HS3ST3A1: variants seen among roughly 807,000 people sequenced by gnomAD.
HS3ST3A1 encodes the protein heparan sulfate-glucosamine 3-sulfotransferase 3A1.
HS3ST3A1 carries 19 observed loss-of-function variants against 25.7 expected under a neutral mutation model. That is an observed-to-expected ratio of 0.74 (90% CI 0.52 to 1.08). The LOEUF is 1.08. Among genes scored for constraint, HS3ST3A1 ranks in the 50% least tolerant of loss-of-function variants. The pLI, the probability that HS3ST3A1 is intolerant of heterozygous loss-of-function variation, is 0.00. For synonymous variants in HS3ST3A1, 226 were observed against 278.6 expected (o/e 0.81, Z 1.88); for missense variants, 459 against 594.3 (o/e 0.77, Z 2.37).
At chr17:13,540,185 G>A (rs140341895) in intron 1 of HS3ST3A1, among the ~76,000 whole-genome samples, 320 of 152,282 alleles carry the variant, frequency 2.1e-3, no homozygotes, top group African/African-American at 7.3e-3. Flanking sequence ...AGGCTTTTGT[G>A]ACAGATCACA....
rs199666924 is a variant in HS3ST3A1 at position 13,601,082 on chromosome 17, C to A, written c.48G>T (p.Pro16=). The A allele has an allele frequency of 5.6e-6, 9 of 1,593,826 alleles. No individual in the cohort carries two copies. The highest frequency in any genetic ancestry group is 7.7e-6 in the Non-Finnish European group (9 of 1,171,516). Reference sequence around the variant, plus strand: ...ACTTCCGGAAGATGCTGCGGGACAGCGGCTCGGCCGAGGTGGAGAGGGCAC... The same window carrying A: ...ACTTCCGGAAGATGCTGCGGGACAGAGGCTCGGCCGAGGTGGAGAGGGCAC... ...PASALSTSAE[P]LSRSIFRKFL... is the part of the protein sequence containing the mutation. Residue 16 remains proline, a synonymous_variant, in exon 1 of 2, where the codon CCG becomes CCT. Transcript: ENST00000284110.
At chr17:13,516,007 A>T (rs1162128056) in intron 1 of HS3ST3A1, among the ~76,000 whole-genome samples, 1 of 152,094 alleles carries the variant, frequency 6.6e-6, no homozygotes, top group Admixed American at 6.6e-5. Context: ...GCTGAGTTTT[A>T]AAAGTTCTTT....
intron 1 of HS3ST3A1, among the ~76,000 whole-genome samples, chr17:13,588,255 T>C (rs1908328798): frequency 6.6e-6 from 1 of 152,022 alleles, no homozygotes; most frequent in Non-Finnish European, 1.5e-5. Flanking sequence ...GTATTTAGTA[T>C]CTGGCCCTTT....
chr17:13,553,317 G>C (rs530349205), intron 1 of HS3ST3A1, among the ~76,000 whole-genome samples: 1 of 152,168 alleles, frequency 6.6e-6, no homozygotes, highest in South Asian at 2.1e-4. Flanking sequence ...CATGAAGACC[G>C]CCATGACATA....
intron 1 of HS3ST3A1, among the ~76,000 whole-genome samples, chr17:13,584,534 A>AGAAGGAAGGAAGGAAAAAAGGAAG (rs1908200074): frequency 6.8e-6 from 1 of 147,500 alleles, no homozygotes; most frequent in South Asian, 2.1e-4. Flanking sequence ...AAGGAAGGAA[A>AGAAGGAAGGAAGGAAAAAAGGAAG]GAAGGAAGGA....
chr17:13,535,898 G>C (rs1174483021), intron 1 of HS3ST3A1, among the ~76,000 whole-genome samples: 7 of 152,134 alleles, frequency 4.6e-5, no homozygotes, highest in African/African-American at 1.4e-4. Flanking sequence ...GTGTGAACAG[G>C]GAAAACTAGC....
chr17:13,498,957 T>G (rs981040513), intron 1 of HS3ST3A1, among the ~76,000 whole-genome samples: 5 of 151,158 alleles, frequency 3.3e-5, no homozygotes, highest in South Asian at 2.1e-4. Context: ...TTTTTTTTTT[T>G]GGGTGGGGGG....
At position 13,600,828 on chromosome 17, in the gene HS3ST3A1, G is replaced by T. The variant is rs1908709765; in HGVS notation, c.302C>A (p.Pro101Gln). 1 of 1,414,078 alleles carries T rather than the reference G, an allele frequency of 7.1e-7. No homozygotes were observed. Among genetic ancestry groups the T allele is most frequent in the African/African-American group, 1.5e-5 (1 of 65,746 alleles). 87.6% of individuals were successfully genotyped at this position (1,414,078 alleles called of 1,614,324 possible). A position where few individuals can be genotyped will look rare whatever the true frequency, so the allele number is the denominator to read the frequency against. The change falls in exon 1 of 2, where the codon CCG (proline) becomes CAG (glutamine). Residue 101 changes from proline to glutamine, a missense_variant. Transcript: ENST00000284110. Reference protein sequence around the residue: ...LQLPQWRRRRPPAPRDDGEEA... With the variant: ...LQLPQWRRRRQPAPRDDGEEA... ...CTCGCCGTCGTCGCGGGGCGCGGGC[G>T]GCCGGCGCCTCCGCCACTGCGGCAG...
At chr17:13,547,963 ACC>A (rs1907134541) in intron 1 of HS3ST3A1, among the ~76,000 whole-genome samples, 2 of 144,570 alleles carry the variant, frequency 1.4e-5, no homozygotes, top group South Asian at 4.2e-4. Context: ...AAAAAAAAAA[ACC>A]ACACGTTTGG....
At chr17:13,514,593 T>G (rs1023131622) in intron 1 of HS3ST3A1, among the ~76,000 whole-genome samples, 6 of 152,314 alleles carry the variant, frequency 3.9e-5, no homozygotes, top group African/African-American at 1.4e-4. Context: ...CTTTTAATTA[T>G]TGCAATTTGG....
At chr17:13,548,013 C>T (rs974412408) in intron 1 of HS3ST3A1, among the ~76,000 whole-genome samples, 1 of 151,686 alleles carries the variant, frequency 6.6e-6, no homozygotes, top group African/African-American at 2.4e-5. Context: ...CACAGTAGTC[C>T]TGATTATTTA....
rs202026672 is a variant in HS3ST3A1 at position 13,496,221 on chromosome 17, C to A, written c.1197G>T (p.Gly399=). 1.4e-5 allele frequency: 22 copies of A among 1,600,336 alleles called. No homozygotes were observed. The highest frequency in any genetic ancestry group is 3.5e-5 in the Admixed American group (2 of 57,160). Residue 399 remains glycine, a synonymous_variant, in exon 2 of 2, where the codon GGG becomes GGT. Transcript: ENST00000284110. The part of the protein sequence containing the change: ...PFNLKFYQMT[G]HDFGWDG ...GTTATCCATCCCAGCCAAAGTCGTGCCCGGTCATCTGGTAGAACTTGAGGT... is the reference window on the plus strand; with the variant it reads ...GTTATCCATCCCAGCCAAAGTCGTGACCGGTCATCTGGTAGAACTTGAGGT...
chr17:13,537,354 A>G (rs1598418674), intron 1 of HS3ST3A1, among the ~76,000 whole-genome samples: 1 of 152,228 alleles, frequency 6.6e-6, no homozygotes, highest in Admixed American at 6.5e-5. Context: ...GCAATCTTAT[A>G]TCATCTAAGA....
chr17:13,499,533 C>T (rs2142290484), intron 1 of HS3ST3A1, among the ~76,000 whole-genome samples: 1 of 148,628 alleles, frequency 6.7e-6, no homozygotes, highest in Admixed American at 6.8e-5. Context: ...AAATTTTGAC[C>T]AGTAAAATAG....
chr17:13,588,347 A>T (rs1052365581), intron 1 of HS3ST3A1, among the ~76,000 whole-genome samples: 1 of 152,124 alleles, frequency 6.6e-6, no homozygotes, highest in East Asian at 1.9e-4. Flanking sequence ...TAGTGAGTCT[A>T]TTCGTGGTAC....
intron 1 of HS3ST3A1, among the ~76,000 whole-genome samples, chr17:13,565,629 G>T (rs749330416): frequency 3.3e-5 from 5 of 152,198 alleles, no homozygotes; most frequent in African/African-American, 1.2e-4. Flanking sequence ...TGGTAAAACT[G>T]CTGTTAATCC....
chr17:13,521,040 T>G (rs1036212758), intron 1 of HS3ST3A1, among the ~76,000 whole-genome samples: 1 of 152,232 alleles, frequency 6.6e-6, no homozygotes, highest in Non-Finnish European at 1.5e-5. Flanking sequence ...AAGCATTCTG[T>G]TGGGCTTCCC....
chr17:13,534,212 T>G (rs1171608409), intron 1 of HS3ST3A1, among the ~76,000 whole-genome samples: 1 of 152,070 alleles, frequency 6.6e-6, no homozygotes, highest in Non-Finnish European at 1.5e-5. Context: ...TAACTTACAG[T>G]GTTACTGAGA....
intron 1 of HS3ST3A1, among the ~76,000 whole-genome samples, chr17:13,534,778 C>G (rs1399777483): frequency 6.6e-6 from 1 of 151,980 alleles, no homozygotes; most frequent in African/African-American, 2.4e-5. Flanking sequence ...GTAATCCCAG[C>G]ATTTTGTGAG....
Sources: gnomAD v4.1 joint callset for allele counts (sites outside exome capture counted in the v4.1 genomes callset) on GRCh38, gnomAD v4.1.1 for gene constraint, MANE v1.5 for transcripts, NCBI Gene and HGNC (gene_info 2026-07-23, HGNC 2026-07-21) for gene names.